EXOC6B: variants seen among roughly 807,000 people sequenced by gnomAD.
The protein encoded by EXOC6B is SEC15 homolog B.
EXOC6B carries 54 observed loss-of-function variants against 113.5 expected under a neutral mutation model. That is an observed-to-expected ratio of 0.48 (90% CI 0.38 to 0.60). The LOEUF is 0.60. EXOC6B is among the 20% of genes least tolerant of loss of function. The pLI, the probability that EXOC6B is intolerant of heterozygous loss-of-function variation, is 0.00. For synonymous variants in EXOC6B, 357 were observed against 339.0 expected (o/e 1.05, Z -0.58); for missense variants, 797 against 977.5 (o/e 0.82, Z 2.46).
intron 6 of EXOC6B, among the ~76,000 whole-genome samples, chr2:72,691,424 G>C (rs921309285): frequency 1.6e-4 from 24 of 151,812 alleles, no homozygotes; most frequent in Admixed American, 2.0e-4. Context: ...CCGAGAAATA[G>C]AACTATTAAC....
chr2:72,793,569 G>A (rs1324233520), intron 1 of EXOC6B, among the ~76,000 whole-genome samples: 3 of 152,066 alleles, frequency 2.0e-5, no homozygotes, highest in Non-Finnish European at 1.5e-5. Context: ...TAAAATAAAC[G>A]ACTGAACTAG....
At chr2:72,818,335 G>A (rs376154966) in intron 1 of EXOC6B, among the ~76,000 whole-genome samples, 20 of 46,096 alleles carry the variant, frequency 4.3e-4, no homozygotes, top group Non-Finnish European at 8.9e-4. Context: ...TTTTTTTTTT[G>A]TATTTTTAGT....
At position 72,377,951 on chromosome 2, in the gene EXOC6B, A is replaced by C. The variant is rs150323141; in HGVS notation, c.2122+1778T>G. The stretch of plus-strand genomic sequence containing the variant: ...TCAAAACAACAAATGTACATGATGA[A>C]CATATACAATTAAGAAAAAAAAAAC... On this transcript the variant is annotated intron_variant, in intron 19 of 21. Coordinates refer to ENST00000272427, the MANE Select transcript of EXOC6B (RefSeq NM_015189.3). 5.3e-3 allele frequency among the ~76,000 whole-genome samples: 738 copies of C among 138,348 alleles called. 8 individuals carry two copies. The highest frequency in any genetic ancestry group is 0.023 in the African/African-American group (685 of 29,546). 90.8% of individuals were successfully genotyped at this position (138,348 alleles called of 152,430 possible). A position where few individuals can be genotyped will look rare whatever the true frequency, so the allele number is the denominator to read the frequency against.
intron 6 of EXOC6B, among the ~76,000 whole-genome samples, chr2:72,601,168 G>C (rs1573466629): frequency 7.6e-6 from 1 of 131,656 alleles, no homozygotes; most frequent in African/African-American, 3.0e-5. Flanking sequence ...GTGTGTGTGT[G>C]TGTGTGTGTA....
chr2:72,483,812 C>T (rs1573227358), intron 16 of EXOC6B, among the ~76,000 whole-genome samples: 1 of 152,248 alleles, frequency 6.6e-6, no homozygotes, highest in East Asian at 1.9e-4. Flanking sequence ...AGATAACTTC[C>T]CTCAGAGTTT....
intron 6 of EXOC6B, among the ~76,000 whole-genome samples, chr2:72,617,804 C>A (rs966092702): frequency 6.6e-6 from 1 of 151,932 alleles, no homozygotes; most frequent in Admixed American, 6.6e-5. Flanking sequence ...CTTGAGCCAC[C>A]GCGCCCGGCC....
chr2:72,288,947 G>T, intron 20 of EXOC6B: 1 of 236,580 alleles, frequency 4.2e-6, no homozygotes, highest in East Asian at 1.1e-4. Flanking sequence ...AACAAGTGTG[G>T]AGTTATCAGC....
intron 18 of EXOC6B, among the ~76,000 whole-genome samples, chr2:72,412,961 T>C (rs1694273370): frequency 6.6e-6 from 1 of 151,564 alleles, no homozygotes; most frequent in Admixed American, 6.6e-5. Flanking sequence ...CCTCTCTCTT[T>C]CTTTCTTTCT....
chr2:72,649,175 A>AT (rs1204430215), intron 6 of EXOC6B, among the ~76,000 whole-genome samples: 1 of 152,128 alleles, frequency 6.6e-6, no homozygotes, highest in Non-Finnish European at 1.5e-5. Flanking sequence ...ACTCATGGAG[A>AT]TAATAGAATG....
intron 1 of EXOC6B, among the ~76,000 whole-genome samples, chr2:72,814,871 G>A (rs1573842009): frequency 6.6e-6 from 1 of 152,106 alleles, no homozygotes; most frequent in Non-Finnish European, 1.5e-5. Context: ...GGCGCCTGTA[G>A]TCCCAGCTAC....
At chr2:72,580,945 T>G (rs1224417116) in intron 6 of EXOC6B, among the ~76,000 whole-genome samples, 1 of 152,238 alleles carries the variant, frequency 6.6e-6, no homozygotes, top group Non-Finnish European at 1.5e-5. Context: ...ACCATTGTAC[T>G]GACTCTCCCA....
At chr2:72,185,803 T>C (rs1678390417) in intron 20 of EXOC6B, among the ~76,000 whole-genome samples, 1 of 151,984 alleles carries the variant, frequency 6.6e-6, no homozygotes. Context: ...GCAGGTTTGT[T>C]ACATATGTAT....
chr2:72,730,929 C>T, intron 5 of EXOC6B, 78 bp downstream of exon 5: 2 of 973,230 alleles, frequency 2.1e-6, no homozygotes, highest in African/African-American at 1.7e-5. Flanking sequence ...AAAAGTTATG[C>T]TAAATATGGA....
rs1205996055 is a variant in EXOC6B at position 72,415,741 on chromosome 2, C to A, written c.1981-35871G>T. On this transcript the variant is annotated intron_variant, in intron 18 of 21. Transcript: ENST00000272427. ...GAAATTTCTGACTATGCATTGACCT[C>A]ATCACAAAGCGATTATGATCATGGT... Among the ~76,000 whole-genome samples, 9 of 152,056 alleles carry A rather than the reference C, an allele frequency of 5.9e-5. No homozygotes were observed. The East Asian group carries it at 1.4e-3, about 23-fold the overall frequency.
At position 72,393,251 on chromosome 2, in the gene EXOC6B, G is replaced by A. The variant is rs554955006; in HGVS notation, c.1981-13381C>T. 5.9e-5 allele frequency among the ~76,000 whole-genome samples: 9 copies of A among 151,858 alleles called. No individual in the cohort carries two copies. The South Asian group carries it at 8.3e-4, about 14-fold the overall frequency. ...TGGGACTACAGGCGCATACCACCACGCCCAGCTAATTTTTGTATTTTTTTA... is the reference window on the plus strand; with the variant it reads ...TGGGACTACAGGCGCATACCACCACACCCAGCTAATTTTTGTATTTTTTTA... On this transcript the variant is annotated intron_variant, in intron 18 of 21. Coordinates refer to ENST00000272427, the MANE Select transcript of EXOC6B (RefSeq NM_015189.3).
At chr2:72,636,063 T>C (rs1490228060) in intron 6 of EXOC6B, among the ~76,000 whole-genome samples, 1 of 151,898 alleles carries the variant, frequency 6.6e-6, no homozygotes, top group Non-Finnish European at 1.5e-5. Context: ...ACAAAAAATT[T>C]CTTTAAAAAA....
At chr2:72,195,378 G>C (rs1184926157) in intron 20 of EXOC6B, among the ~76,000 whole-genome samples, 2 of 152,208 alleles carry the variant, frequency 1.3e-5, no homozygotes, top group Non-Finnish European at 2.9e-5. Flanking sequence ...TGTTCAAGGG[G>C]AGGATGGGAG....
intron 6 of EXOC6B, among the ~76,000 whole-genome samples, chr2:72,616,649 A>G (rs1218094098): frequency 6.6e-6 from 1 of 152,184 alleles, no homozygotes; most frequent in Non-Finnish European, 1.5e-5. Flanking sequence ...CTCACTATCA[A>G]GAGAACAGCA....
intron 21 of EXOC6B, chr2:72,182,770 T>C (rs1484603668): frequency 8.0e-6 from 5 of 622,702 alleles, no homozygotes; most frequent in African/African-American, 1.9e-5. Context: ...TTTAGTAGAT[T>C]AGTATGTCAG....
Sources: gnomAD v4.1 joint callset for allele counts (sites outside exome capture counted in the v4.1 genomes callset) on GRCh38, gnomAD v4.1.1 for gene constraint, MANE v1.5 for transcripts, NCBI Gene and HGNC (gene_info 2026-07-23, HGNC 2026-07-21) for gene names.